The following KCNQ1 variants were observed in gnomAD, a reference collection of about 807,000 sequenced individuals.
KCNQ1 encodes the protein potassium voltage-gated channel subfamily Q member 1, also known as potassium voltage-gated channel subfamily KQT member 1.
Under a neutral mutation model 72.4 loss-of-function variants are expected in KCNQ1, and 49 were observed. That is an observed-to-expected ratio of 0.68 (90% CI 0.54 to 0.86). The LOEUF (loss-of-function observed/expected upper bound fraction) is 0.86, where lower values mean the gene tolerates loss of function less well. Ranked by LOEUF, KCNQ1 falls within the 40% of genes least tolerant of loss-of-function variation. The pLI is 0.00. For synonymous variants in KCNQ1, 450 were observed against 412.6 expected (o/e 1.09, Z -1.10); for missense variants, 790 against 945.1 (o/e 0.84, Z 2.15).
rs1041151473 is a variant in KCNQ1, at chr11:2,712,401, G to A, written c.1514+50320G>A. Among the ~76,000 whole-genome samples the A allele has an allele frequency of 6.6e-6, 1 of 152,130 alleles. No homozygotes were observed. The highest frequency in any genetic ancestry group is 2.4e-5 in the African/African-American group (1 of 41,428). On this transcript the variant is annotated intron_variant, in intron 11 of 15. Coordinates refer to ENST00000155840, the MANE Select transcript of KCNQ1 (RefSeq NM_000218.3). This position sits in a 1 kb window ranked among gnomAD's most constrained non-coding sequence, Gnocchi z 6.4. ...GGGGCAGGAACAGGAGTCCGGCCTG[G>A]GGGATGTTAGACTCACCAGCCATCC...
intron 11 of KCNQ1, among the ~76,000 whole-genome samples, chr11:2,721,313 G>C (rs1851198810): frequency 6.6e-6 from 1 of 152,202 alleles, no homozygotes; most frequent in Admixed American, 6.5e-5. Context: ...GTCTGCTCGT[G>C]AGGGACCCCC....
intron 7 of KCNQ1, among the ~76,000 whole-genome samples, chr11:2,584,402 T>G (rs140480315): frequency 3.3e-4 from 50 of 149,814 alleles, no homozygotes; most frequent in Non-Finnish European, 6.9e-4. Flanking sequence ...TGTGGGTTTG[T>G]GTTTGTGTTT....
chr11:2,456,806 G>C (rs1323879786), intron 1 of KCNQ1, among the ~76,000 whole-genome samples: 1 of 147,080 alleles, frequency 6.8e-6, no homozygotes, highest in African/African-American at 2.5e-5. Flanking sequence ...GGGCGTGGGG[G>C]TGGGCGCCTG....
At position 2,727,843 on chromosome 11, in the gene KCNQ1, G is replaced by T. The variant is rs147516379; in HGVS notation, c.1515-41001G>T. On this transcript the variant is annotated intron_variant, in intron 11 of 15. Coordinates refer to ENST00000155840, the MANE Select transcript of KCNQ1 (RefSeq NM_000218.3). ...GCTCGTCTTGCACTATGAAGGGGCA[G>T]GGACGTGGCCAGGCATTCGTTCCTC... 2.6e-5 allele frequency among the ~76,000 whole-genome samples: 4 copies of T among 152,300 alleles called. No homozygotes were observed. In the East Asian group the frequency reaches 7.7e-4, roughly 29 times the overall value.
chr11:2,457,318 T>C lies in KCNQ1; in HGVS notation c.386+11834T>C, dbSNP rs146961606. On this transcript the variant is annotated intron_variant, in intron 1 of 15. Transcript: ENST00000155840. This position sits in a 1 kb window ranked among gnomAD's most constrained non-coding sequence, Gnocchi z 5.0. ...GCTGAGTTTATACCCAAAGAAAAATTAGTCGTTCTACCAAAAAGACATATG... is the reference window on the plus strand; with the variant it reads ...GCTGAGTTTATACCCAAAGAAAAATCAGTCGTTCTACCAAAAAGACATATG... 2.6e-5 allele frequency among the ~76,000 whole-genome samples: 4 copies of C among 152,268 alleles called. No individual in the cohort carries two copies. The highest frequency in any genetic ancestry group is 9.6e-5 in the African/African-American group (4 of 41,546).
At position 2,679,709 on chromosome 11, in the gene KCNQ1, C is replaced by A. The variant is rs1850356068; in HGVS notation, c.1514+17628C>A. On this transcript the variant is annotated intron_variant, in intron 11 of 15. Coordinates refer to ENST00000155840, the MANE Select transcript of KCNQ1 (RefSeq NM_000218.3). The surrounding 1 kb of genome is among the most constrained non-coding windows in gnomAD (Gnocchi z 4.8). ...TTAGATTTTTTTTAAATCAGCCGTT[C>A]TCTGTATTCTTGTCCAGATGCTGTG... is the stretch of plus-strand genomic sequence containing the variant. 1 of 398,344 alleles carries A rather than the reference C, an allele frequency of 2.5e-6. No homozygotes were observed. The highest frequency in any genetic ancestry group is 1.3e-4 in the South Asian group (1 of 7,854). The allele number at this position is 398,344 out of a possible 1,614,324, so 24.7% of individuals were successfully genotyped here.
chr11:2,626,122 C>T lies in KCNQ1; in HGVS notation c.1394-35839C>T, dbSNP rs1198203519. ...CTTTTATTGCCTGTGCCTTTGGTGTCGCATACAAGAAGCACTGCCAATGAT... is the reference window on the plus strand; with the variant it reads ...CTTTTATTGCCTGTGCCTTTGGTGTTGCATACAAGAAGCACTGCCAATGAT... On this transcript the variant is annotated intron_variant, in intron 10 of 15. Transcript: ENST00000155840. This position sits in a 1 kb window ranked among gnomAD's most constrained non-coding sequence, Gnocchi z 4.0. 2.5e-5 allele frequency: 10 copies of T among 398,402 alleles called. No individual in the cohort carries two copies. Among genetic ancestry groups the T allele is most frequent in the African/African-American group, 4.1e-5 (2 of 48,586 alleles). 24.7% of individuals were successfully genotyped at this position (398,402 alleles called of 1,614,324 possible).
At position 2,663,849 on chromosome 11, in the gene KCNQ1, T is replaced by C; in HGVS notation, c.1514+1768T>C. 5.0e-6 allele frequency: 2 copies of C among 398,644 alleles called. No homozygotes were observed. Among genetic ancestry groups the C allele is most frequent in the Non-Finnish European group, 8.8e-6 (2 of 226,098 alleles). 24.7% of individuals were successfully genotyped at this position (398,644 alleles called of 1,614,324 possible). On this transcript the variant is annotated intron_variant, in intron 11 of 15. Coordinates refer to ENST00000155840, the MANE Select transcript of KCNQ1 (RefSeq NM_000218.3). The surrounding 1 kb of genome is among the most constrained non-coding windows in gnomAD (Gnocchi z 5.2). ...TGGTATCAGCACATGCCAAGCTCCC[T>C]GGAGCCAGAGGTTACCCACCTGCCC... is the stretch of plus-strand genomic sequence containing the variant.
chr11:2,544,324 G>GTA lies in KCNQ1; in HGVS notation c.477+16314_477+16315dup, dbSNP rs891514584. On this transcript the variant is annotated intron_variant, in intron 2 of 15. Coordinates refer to ENST00000155840, the MANE Select transcript of KCNQ1 (RefSeq NM_000218.3). The surrounding 1 kb of genome is among the most constrained non-coding windows in gnomAD (Gnocchi z 4.4). ...TATGTGTATATATGTATATATCTAT[G>GTA]TATATATATGTGTATGTATATGTAT... Among the ~76,000 whole-genome samples, 2 of 142,780 alleles carry GTA rather than the reference G, an allele frequency of 1.4e-5. No homozygotes were observed. The highest frequency in any genetic ancestry group is 5.6e-5 in the African/African-American group (2 of 35,866). The allele number at this position is 142,780 out of a possible 152,430, so 93.7% of individuals were successfully genotyped here.
intron 10 of KCNQ1, chr11:2,648,887 G>T: frequency 2.5e-6 from 1 of 397,710 alleles, no homozygotes; most frequent in Non-Finnish European, 4.4e-6. Context: ...GGGTACTCCA[G>T]TGTTGTTGGT....
chr11:2,559,201 C>T lies in KCNQ1; in HGVS notation c.478-11427C>T, dbSNP rs1366222605. On this transcript the variant is annotated intron_variant, in intron 2 of 15. Transcript: ENST00000155840. This position sits in a 1 kb window ranked among gnomAD's most constrained non-coding sequence, Gnocchi z 4.9. ...CTCTGAAAGCCTACCAGGCAGTCTT[C>T]CCAGAGGTGCTTCCCGGGAAGCCCG... Among the ~76,000 whole-genome samples, 5 of 152,090 alleles carry T rather than the reference C, an allele frequency of 3.3e-5. No homozygotes were observed. Among genetic ancestry groups the T allele is most frequent in the African/African-American group, 9.7e-5 (4 of 41,426 alleles).
At chr11:2,789,656 C>T (rs566203134) in intron 15 of KCNQ1, among the ~76,000 whole-genome samples, 14 of 152,324 alleles carry the variant, frequency 9.2e-5, no homozygotes, top group Non-Finnish European at 1.6e-4. Flanking sequence ...ATGCTGGGGC[C>T]GTCGGCCTCC....
intron 6 of KCNQ1, among the ~76,000 whole-genome samples, chr11:2,581,303 G>A (rs1177933145): frequency 6.6e-6 from 1 of 152,234 alleles, no homozygotes; most frequent in Non-Finnish European, 1.5e-5. Context: ...AGCTCACCAG[G>A]TGGAAGTCAC....
rs114367959 is a variant in KCNQ1, at chr11:2,780,718, T to C, written c.1794+2681T>C. ...CCTAGAGTGTCCCCCTGCAGGGAGT[T>C]CACCAGTGCAGGCCAGCTGAGCTTG... On this transcript the variant is annotated intron_variant, in intron 15 of 15. Coordinates refer to ENST00000155840, the MANE Select transcript of KCNQ1 (RefSeq NM_000218.3). 5.1e-3 allele frequency among the ~76,000 whole-genome samples: 780 copies of C among 152,300 alleles called. 9 individuals carry two copies. Among genetic ancestry groups the C allele is most frequent in the African/African-American group, 0.015 (642 of 41,562 alleles).
At position 2,817,545 on chromosome 11, in the gene KCNQ1, T is replaced by C. The variant is rs960547071; in HGVS notation, c.1795-30222T>C. On this transcript the variant is annotated intron_variant, in intron 15 of 15. Coordinates refer to ENST00000155840, the MANE Select transcript of KCNQ1 (RefSeq NM_000218.3). The surrounding 1 kb of genome is among the most constrained non-coding windows in gnomAD (Gnocchi z 6.1). ...GAAAGAACAGGTTCCCCAATTTTGG[T>C]TCATGGTACCTGAGATGACGGCTTC... is the stretch of plus-strand genomic sequence containing the variant. Among the ~76,000 whole-genome samples the C allele has an allele frequency of 6.6e-6, 1 of 152,054 alleles. No individual in the cohort carries two copies. The highest frequency in any genetic ancestry group is 2.4e-5 in the African/African-American group (1 of 41,384).
Position 2,692,388 on chromosome 11 carries a change from A to G in KCNQ1, c.1514+30307A>G, listed in dbSNP as rs1850604085. On this transcript the variant is annotated intron_variant, in intron 11 of 15. Transcript: ENST00000155840. The stretch of plus-strand genomic sequence containing the variant: ...CTGGCATTCTCACATCCCCTGCCCC[A>G]TTCCAATCAATTATCTACTCAGTGG... 1.3e-5 allele frequency: 5 copies of G among 398,652 alleles called. No homozygotes were observed. The East Asian group carries it at 1.8e-4, about 14-fold the overall frequency. 24.7% of individuals were successfully genotyped at this position (398,652 alleles called of 1,614,324 possible). A position where few individuals can be genotyped will look rare whatever the true frequency, so the allele number is the denominator to read the frequency against.
In KCNQ1 at chr11:2,471,093, A is replaced by C. The variant is rs1846445729; in HGVS notation, c.386+25609A>C. On this transcript the variant is annotated intron_variant, in intron 1 of 15. Coordinates refer to ENST00000155840, the MANE Select transcript of KCNQ1 (RefSeq NM_000218.3). This position sits in a 1 kb window ranked among gnomAD's most constrained non-coding sequence, Gnocchi z 4.8. Reference sequence around the variant, plus strand: ...GATGGCCCTCCTCCCTCCACAGCAGAGTTCTACCCGCCCTCACCACCCTGT... The same window carrying C: ...GATGGCCCTCCTCCCTCCACAGCAGCGTTCTACCCGCCCTCACCACCCTGT... Among the ~76,000 whole-genome samples, 1 of 151,266 alleles carries C rather than the reference A, an allele frequency of 6.6e-6. No homozygotes were observed. The highest frequency in any genetic ancestry group is 2.4e-5 in the African/African-American group (1 of 41,100).
intron 11 of KCNQ1, among the ~76,000 whole-genome samples, chr11:2,729,802 C>T (rs1845822863): frequency 6.6e-6 from 1 of 152,090 alleles, no homozygotes; most frequent in Admixed American, 6.6e-5. Flanking sequence ...GACAGCTGCA[C>T]TTTAGTATTT....
intron 15 of KCNQ1, among the ~76,000 whole-genome samples, chr11:2,835,103 C>T (rs898822090): frequency 1.3e-5 from 2 of 152,160 alleles, no homozygotes; most frequent in Non-Finnish European, 2.9e-5. Flanking sequence ...GGGGGCTGCC[C>T]GCCCGTCTGG....
Sources: gnomAD v4.1 joint callset for allele counts (sites outside exome capture counted in the v4.1 genomes callset) on GRCh38, gnomAD v4.1.1 for gene constraint, Gnocchi (gnomAD v3.1) non-coding constraint, MANE v1.5 for transcripts, NCBI Gene and HGNC (gene_info 2026-07-23, HGNC 2026-07-21) for gene names.